The following CDK15 variants were observed in gnomAD, a reference collection of about 807,000 sequenced individuals.
The protein encoded by CDK15 is cyclin-dependent kinase 15.
Under a neutral mutation model 60.3 loss-of-function variants are expected in CDK15, and 62 were observed. That is an observed-to-expected ratio of 1.03 (90% confidence interval 0.84 to 1.27). CDK15 has a LOEUF of 1.27. CDK15 is among the 50% of genes most tolerant of loss of function. The probability of loss-of-function intolerance (pLI) is 0.00; values close to 1 mark genes in which losing one functional copy is unlikely to be tolerated. For missense variants in CDK15, 541 were observed against 527.8 expected (o/e 1.03, Z -0.25); for synonymous variants, 194 against 195.7 (o/e 0.99, Z 0.07).
At chr2:201,812,189 AAAC>A (rs1242668543) in intron 3 of CDK15, among the ~76,000 whole-genome samples, 96 of 141,640 alleles carry the variant, frequency 6.8e-4, no homozygotes, top group African/African-American at 2.0e-3. Context: ...AAAAAAAAAA[AAAC>A]AAAAAAACAA....
intron 11 of CDK15, among the ~76,000 whole-genome samples, chr2:201,878,511 A>G (rs910636176): frequency 2.0e-5 from 3 of 152,126 alleles, no homozygotes; most frequent in African/African-American, 7.2e-5. Flanking sequence ...ACCTCTTCCC[A>G]TTATAGGTCA....
At chr2:201,887,157 C>T (rs544098148) in intron 12 of CDK15, among the ~76,000 whole-genome samples, 16 of 152,130 alleles carry the variant, frequency 1.1e-4, no homozygotes, top group Non-Finnish European at 2.1e-4. Flanking sequence ...GGTATATTGA[C>T]TCAACATACA....
chr2:201,840,272 G>A (rs1697320083), intron 8 of CDK15, among the ~76,000 whole-genome samples: 1 of 152,128 alleles, frequency 6.6e-6, no homozygotes, highest in Non-Finnish European at 1.5e-5. Flanking sequence ...ACCGCGCCTG[G>A]CCAAGTACCC....
rs753624427 is a variant in CDK15, at chr2:201,835,803, C to T, written c.851+40C>T. The T allele has an allele frequency of 2.8e-5, 40 of 1,418,554 alleles. No homozygotes were observed. In the South Asian group the frequency reaches 3.8e-4, roughly 14 times the overall value. 87.9% of individuals were successfully genotyped at this position (1,418,554 alleles called of 1,614,324 possible). On this transcript the variant is annotated intron_variant, in intron 8 of 13. Coordinates refer to ENST00000652192, the MANE Select transcript of CDK15 (RefSeq NM_001366386.2). ...GAGAAAATGTGAGTCATCCTACTCA[C>T]GAGGGTTGCTTTATCATCTACATTA...
chr2:201,816,458 T>TTTTC (rs1695997757), intron 4 of CDK15, among the ~76,000 whole-genome samples: 1 of 14,652 alleles, frequency 6.8e-5, no homozygotes, highest in South Asian at 1.4e-3. Flanking sequence ...GGAAATGGTT[T>TTTTC]TTTTTTTTTT....
chr2:201,823,612 T>C (rs1206333939), intron 5 of CDK15, 53 bp from the exon 6 acceptor site: 1 of 1,462,852 alleles, frequency 6.8e-7, no homozygotes, highest in African/African-American at 1.4e-5. Flanking sequence ...TTTAGGATGC[T>C]ATCTAAGCAC....
intron 10 of CDK15, among the ~76,000 whole-genome samples, chr2:201,856,998 T>C: frequency 2.3e-5 from 2 of 85,770 alleles, no homozygotes; most frequent in Non-Finnish European, 2.3e-5. Flanking sequence ...CCGAGGCGGG[T>C]GGATCATGAG....
At chr2:201,870,861 A>T (rs978914461) in intron 10 of CDK15, among the ~76,000 whole-genome samples, 1 of 152,256 alleles carries the variant, frequency 6.6e-6, no homozygotes, top group Admixed American at 6.5e-5. Flanking sequence ...AAGAGCATCC[A>T]TCAGCTTGCC....
chr2:201,860,246 G>A (rs1055205676), intron 10 of CDK15, among the ~76,000 whole-genome samples: 6 of 152,152 alleles, frequency 3.9e-5, no homozygotes, highest in Non-Finnish European at 1.5e-5. Flanking sequence ...TCCATTTGAG[G>A]CACCAGAAGA....
At chr2:201,844,536 T>C (rs913942727) in intron 8 of CDK15, among the ~76,000 whole-genome samples, 1 of 152,256 alleles carries the variant, frequency 6.6e-6, no homozygotes, top group African/African-American at 2.4e-5. Flanking sequence ...TGAGGAACTT[T>C]AAAATAATAA....
chr2:201,821,869 C>T lies in CDK15; in HGVS notation c.449-940C>T, dbSNP rs192558305. Among the ~76,000 whole-genome samples the T allele has an allele frequency of 4.5e-4, 69 of 151,976 alleles. 1 individual carries two copies. In the East Asian group the frequency reaches 0.01, roughly 23 times the overall value. Reference sequence around the variant, plus strand: ...CTAATTTTTGTATTTTTAGTAGAGACGGGGTTTCACCGCGTTGGCCAGGCT... The same window carrying T: ...CTAATTTTTGTATTTTTAGTAGAGATGGGGTTTCACCGCGTTGGCCAGGCT... On this transcript the variant is annotated intron_variant, in intron 4 of 13. Coordinates refer to ENST00000652192, the MANE Select transcript of CDK15 (RefSeq NM_001366386.2).
chr2:201,890,782 C>T lies in CDK15; in HGVS notation c.1199-3C>T, dbSNP rs1043417507. On this transcript the variant is annotated splice_polypyrimidine_tract_variant and splice_region_variant and intron_variant, in intron 12 of 13. Transcript: ENST00000652192. ...TGGTGCTTCTCTCTTTTCATTCCTACAGAGGAGTCTTTGTTTACAGTTTCA... is the reference window on the plus strand; with the variant it reads ...TGGTGCTTCTCTCTTTTCATTCCTATAGAGGAGTCTTTGTTTACAGTTTCA... 2 of 1,604,824 alleles carry T rather than the reference C, an allele frequency of 1.2e-6. No homozygotes were observed. Among genetic ancestry groups the T allele is most frequent in the Non-Finnish European group, 1.7e-6 (2 of 1,173,044 alleles).
intron 4 of CDK15, among the ~76,000 whole-genome samples, chr2:201,818,025 T>C (rs1418209198): frequency 6.6e-6 from 1 of 152,234 alleles, no homozygotes; most frequent in Non-Finnish European, 1.5e-5. Context: ...TAGAAACACT[T>C]TTTTATTCAA....
intron 12 of CDK15, among the ~76,000 whole-genome samples, chr2:201,888,033 CTT>C (rs80136808): frequency 0.064 from 8,079 of 126,372 alleles, 326 homozygotes; most frequent in East Asian, 0.13. Context: ...AATTTTCAAC[CTT>C]TTTTTTTTTT....
intron 11 of CDK15, among the ~76,000 whole-genome samples, chr2:201,876,982 A>G (rs1447739726): frequency 6.6e-6 from 1 of 151,946 alleles, no homozygotes; most frequent in East Asian, 1.9e-4. Flanking sequence ...ATTTTCTGGT[A>G]GAGATGGTTT....
chr2:201,860,617 CA>C (rs759865074), intron 10 of CDK15: 41 of 1,016,786 alleles, frequency 4.0e-5, no homozygotes, highest in Admixed American at 8.8e-5. Context: ...TAATGAAAAT[CA>C]AAAGGCAGGA....
chr2:201,885,944 A>C (rs1219739169), intron 12 of CDK15, among the ~76,000 whole-genome samples: 1 of 152,224 alleles, frequency 6.6e-6, no homozygotes, highest in African/African-American at 2.4e-5. Flanking sequence ...GCTTGAAGTC[A>C]CACAGCTAGA....
intron 13 of CDK15, 73 bp from the exon 14 acceptor site, chr2:201,893,228 T>C (rs1482380113): frequency 6.6e-6 from 1 of 152,250 alleles, no homozygotes; most frequent in Non-Finnish European, 1.5e-5. Flanking sequence ...CTTTGCAATG[T>C]TTAACTGATT....
rs1695873273 is a variant in CDK15 at position 201,813,746 on chromosome 2, TC to T, written c.448+1185del. The stretch of plus-strand genomic sequence containing the variant: ...TGCAAACAAGCATGGAAAAAGCAAT[TC>T]AGAAAATGAGTTTATAACTGAATTT... On this transcript the variant is annotated intron_variant, in intron 4 of 13. Coordinates refer to ENST00000652192, the MANE Select transcript of CDK15 (RefSeq NM_001366386.2). 2.0e-5 allele frequency among the ~76,000 whole-genome samples: 3 copies of T among 152,164 alleles called. No individual in the cohort carries two copies. In the South Asian group the frequency reaches 6.2e-4, roughly 32 times the overall value.
Sources: allele counts gnomAD v4.1 joint callset (sites outside exome capture counted in the v4.1 genomes callset), GRCh38; gene constraint gnomAD v4.1.1; transcripts MANE v1.5; gene names NCBI Gene and HGNC (gene_info 2026-07-23, HGNC 2026-07-21).